Variants in RPTOR observed in about 807,000 individuals in gnomAD.
RPTOR encodes the protein regulatory associated protein of MTOR complex 1, also known as regulatory-associated protein of mTOR.
A neutral mutation model predicts 169.9 loss-of-function variants in RPTOR; 21 were observed. The ratio of observed to expected loss-of-function variants is 0.12; its 90% CI spans 0.09 to 0.18. RPTOR has a LOEUF of 0.18. Among genes scored for constraint, RPTOR ranks in the 10% least tolerant of loss-of-function variants. The probability of loss-of-function intolerance (pLI) is 1.00; values close to 1 mark genes in which losing one functional copy is unlikely to be tolerated. For synonymous variants in RPTOR, 732 were observed against 753.2 expected, an observed-to-expected ratio of 0.97 and a Z score of 0.46; for missense variants, 1,133 against 1,855.9, an observed-to-expected ratio of 0.61 and a Z score of 7.16.
At position 80,899,054 on chromosome 17, in the gene RPTOR, C is replaced by A. The variant is rs1013344240; in HGVS notation, c.2401+5189C>A. Reference sequence around the variant, plus strand: ...CCAGGGTATGGAGAACTGAAAGGTTCACTACACAACAACCCAGACACGCCA... The same window carrying A: ...CCAGGGTATGGAGAACTGAAAGGTTAACTACACAACAACCCAGACACGCCA... On this transcript the variant is annotated intron_variant, in intron 20 of 33. Coordinates refer to ENST00000306801, the MANE Select transcript of RPTOR (RefSeq NM_020761.3). Among the ~76,000 whole-genome samples the A allele has an allele frequency of 3.3e-5, 5 of 152,120 alleles. No individual in the cohort carries two copies. The East Asian group carries it at 9.7e-4, about 29-fold the overall frequency.
intron 6 of RPTOR, among the ~76,000 whole-genome samples, chr17:80,780,902 C>G (rs1251975126): frequency 6.6e-6 from 1 of 152,216 alleles, no homozygotes; most frequent in Non-Finnish European, 1.5e-5. Flanking sequence ...TGAGCGTGCG[C>G]TCTCAGTTGT....
At chr17:80,753,414 C>A (rs1400878924) in intron 5 of RPTOR, among the ~76,000 whole-genome samples, 1 of 151,962 alleles carries the variant, frequency 6.6e-6, no homozygotes, top group East Asian at 1.9e-4. Context: ...ACGGGCGGAT[C>A]ACGAGGTCAG....
chr17:80,926,671 TAAAAAG>T (rs2068815300), intron 24 of RPTOR, among the ~76,000 whole-genome samples: 1 of 152,270 alleles, frequency 6.6e-6, no homozygotes, highest in Non-Finnish European at 1.5e-5. Flanking sequence ...CAACATTCCT[TAAAAAG>T]AAAAAATGCA....
chr17:80,594,647 A>T (rs4889865), intron 1 of RPTOR, among the ~76,000 whole-genome samples: 36,055 of 152,236 alleles, frequency 0.24, 5,290 homozygotes, highest in East Asian at 0.42. Context: ...TGAGCACAGC[A>T]CAAGAATAAA....
intron 22 of RPTOR, 36 bp downstream of exon 22, chr17:80,922,863 G>T: frequency 1.3e-6 from 2 of 1,521,396 alleles, no homozygotes; most frequent in African/African-American, 2.7e-5. Context: ...GGTCCGTGGT[G>T]GTGACCGGGG....
chr17:80,842,751 G>A (rs751848099), intron 10 of RPTOR, among the ~76,000 whole-genome samples: 20 of 152,240 alleles, frequency 1.3e-4, no homozygotes, highest in Non-Finnish European at 1.6e-4. Flanking sequence ...CTGAGCAGAC[G>A]CTACGCTCTT....
intron 24 of RPTOR, among the ~76,000 whole-genome samples, chr17:80,930,429 C>CCTCAGCTCATTCTCATCCCCAG (rs1567993853): frequency 4.7e-4 from 1 of 2,134 alleles, no homozygotes; most frequent in Non-Finnish European, 8.3e-4. Context: ...CTCAGCTCAT[C>CCTCAGCTCATTCTCATCCCCAG]CTCATCCCCA....
chr17:80,799,999 C>T (rs2143526278), intron 7 of RPTOR, among the ~76,000 whole-genome samples: 1 of 152,312 alleles, frequency 6.6e-6, no homozygotes, highest in African/African-American at 2.4e-5. Context: ...TGTGCCAGGT[C>T]TGCCAGGCCA....
intron 5 of RPTOR, among the ~76,000 whole-genome samples, chr17:80,737,940 C>T (rs1040469480): frequency 6.6e-6 from 1 of 152,130 alleles, no homozygotes; most frequent in African/African-American, 2.4e-5. Context: ...CAGTAGAAAC[C>T]CCTTTAATTG....
At chr17:80,560,814 A>G (rs550048112) in intron 1 of RPTOR, among the ~76,000 whole-genome samples, 1 of 152,214 alleles carries the variant, frequency 6.6e-6, no homozygotes, top group African/African-American at 2.4e-5. Context: ...TGTATAGAGA[A>G]CAGGGACTCT....
intron 3 of RPTOR, among the ~76,000 whole-genome samples, chr17:80,647,333 A>G (rs570775902): frequency 3.9e-5 from 6 of 152,338 alleles, no homozygotes; most frequent in South Asian, 2.1e-4. Flanking sequence ...TTCCATCATA[A>G]GTCTCAAATG....
chr17:80,806,633 A>G (rs1205606420), intron 7 of RPTOR, among the ~76,000 whole-genome samples: 2 of 152,182 alleles, frequency 1.3e-5, no homozygotes, highest in African/African-American at 4.8e-5. Flanking sequence ...TTAATTGCCT[A>G]TACTTTAGTT....
chr17:80,626,983 C>T (rs61213659), intron 2 of RPTOR, among the ~76,000 whole-genome samples: 46,361 of 151,926 alleles, frequency 0.31, 7,203 homozygotes, highest in Middle Eastern at 0.37. Context: ...TAGTAACCGC[C>T]ATTCCACCAT....
At chr17:80,825,810 C>T (rs940034184) in intron 9 of RPTOR, among the ~76,000 whole-genome samples, 5 of 152,200 alleles carry the variant, frequency 3.3e-5, no homozygotes, top group African/African-American at 4.8e-5. Context: ...TGATCCAGCC[C>T]GCATGGTCCA....
rs189400985 is a variant in RPTOR, at chr17:80,708,746, C to T, written c.507+747C>T. 4.2e-3 allele frequency among the ~76,000 whole-genome samples: 639 copies of T among 152,314 alleles called. 7 individuals carry two copies. The highest frequency in any genetic ancestry group is 0.015 in the African/African-American group (621 of 41,546). On this transcript the variant is annotated intron_variant, in intron 4 of 33. Coordinates refer to ENST00000306801, the MANE Select transcript of RPTOR (RefSeq NM_020761.3). This position sits in a 1 kb window ranked among gnomAD's most constrained non-coding sequence, Gnocchi z 4.2. ...CCTTGGTCTGTCTCAGAGCAGCCAGCTATGGGTCTCACTGCGCTCTGCGTG... is the reference window on the plus strand; with the variant it reads ...CCTTGGTCTGTCTCAGAGCAGCCAGTTATGGGTCTCACTGCGCTCTGCGTG...
chr17:80,775,007 T>G (rs1470940098), intron 6 of RPTOR, among the ~76,000 whole-genome samples: 4 of 152,214 alleles, frequency 2.6e-5, no homozygotes, highest in Non-Finnish European at 5.9e-5. Flanking sequence ...CTCCTGGGCC[T>G]GTGTCTGTCC....
intron 21 of RPTOR, among the ~76,000 whole-genome samples, chr17:80,910,507 T>C (rs910071287): frequency 2.0e-5 from 3 of 152,192 alleles, no homozygotes; most frequent in African/African-American, 7.2e-5. Flanking sequence ...TCTTGCAGCC[T>C]CTGTGGTGTT....
chr17:80,584,576 A>T (rs1226940838), intron 1 of RPTOR, among the ~76,000 whole-genome samples: 1 of 152,108 alleles, frequency 6.6e-6, no homozygotes, highest in East Asian at 1.9e-4. Flanking sequence ...TCCGTTTACC[A>T]TGTCTCAATA....
intron 4 of RPTOR, among the ~76,000 whole-genome samples, chr17:80,722,668 T>C (rs1269619326): frequency 6.6e-6 from 1 of 151,260 alleles, no homozygotes; most frequent in Non-Finnish European, 1.5e-5. Context: ...TAAAAAACAA[T>C]TTGAAATAAT....
Sources: gnomAD v4.1 joint callset for allele counts (sites outside exome capture counted in the v4.1 genomes callset) on GRCh38, gnomAD v4.1.1 for gene constraint, Gnocchi (gnomAD v3.1) non-coding constraint, MANE v1.5 for transcripts, NCBI Gene and HGNC (gene_info 2026-07-23, HGNC 2026-07-21) for gene names.